Variants in ASIC2 observed in about 807,000 individuals in gnomAD.
ASIC2 encodes the protein acid-sensing ion channel 2.
In ASIC2, 25 loss-of-function variants were observed where a neutral mutation model predicts 57.3. The ratio of observed to expected loss-of-function variants is 0.44; its 90% CI spans 0.32 to 0.61. The LOEUF (loss-of-function observed/expected upper bound fraction) is 0.61, where lower values mean the gene tolerates loss of function less well. Among genes scored for constraint, ASIC2 ranks in the 20% least tolerant of loss-of-function variants. The pLI, the probability that ASIC2 is intolerant of heterozygous loss-of-function variation, is 0.06. For missense variants in ASIC2, 641 were observed against 738.1 expected, an observed-to-expected ratio of 0.87 and a Z score of 1.52; for synonymous variants, 319 against 307.5, an observed-to-expected ratio of 1.04 and a Z score of -0.39.
intron 1 of ASIC2, among the ~76,000 whole-genome samples, chr17:33,668,950 T>C (rs1907564403): frequency 6.6e-6 from 1 of 152,154 alleles, no homozygotes. Flanking sequence ...CTTCCTTGAA[T>C]CTATGCTCAC....
intron 1 of ASIC2, among the ~76,000 whole-genome samples, chr17:33,683,360 C>G (rs1263213963): frequency 6.6e-6 from 1 of 152,178 alleles, no homozygotes; most frequent in East Asian, 1.9e-4. Flanking sequence ...GCCACCGCAC[C>G]TTGCCTAATT....
chr17:33,496,136 T>C (rs1400064901), intron 1 of ASIC2, among the ~76,000 whole-genome samples: 1 of 151,988 alleles, frequency 6.6e-6, no homozygotes, highest in Non-Finnish European at 1.5e-5. Context: ...ATTGTGCAAA[T>C]TGATATAAGG....
Position 33,023,951 on chromosome 17 carries a change from T to C in ASIC2, c.1259A>G (p.Tyr420Cys). 6.2e-7 allele frequency: 1 copy of C among 1,614,234 alleles called. No individual in the cohort carries two copies. Among genetic ancestry groups the C allele is most frequent in the Non-Finnish European group, 8.5e-7 (1 of 1,180,036 alleles). Residue 420 changes from tyrosine to cysteine, a missense_variant, in exon 6 of 10, where the codon TAC (tyrosine) becomes TGC (cysteine). Tyr to Cys is a radical substitution (Grantham distance 194). Coordinates refer to ENST00000225823, the MANE Select transcript of ASIC2 (RefSeq NM_183377.2). ...CTTCACCATGGAGAGCTCTTTGTTG[T>C]AGCGGGTTAGGTTGCAGGGTGTCCT... is the stretch of plus-strand genomic sequence containing the variant. ...LCRTPCNLTR[Y>C]NKELSMVKIP...
At chr17:33,128,151 G>T (rs139207698) in intron 1 of ASIC2, among the ~76,000 whole-genome samples, 3 of 152,330 alleles carry the variant, frequency 2.0e-5, no homozygotes, top group Non-Finnish European at 4.4e-5. Flanking sequence ...CCTACCCACT[G>T]CTCGGAATGG....
intron 1 of ASIC2, among the ~76,000 whole-genome samples, chr17:33,903,214 C>T (rs1220489673): frequency 6.6e-6 from 1 of 152,148 alleles, no homozygotes; most frequent in African/African-American, 2.4e-5. Context: ...TTTTCTCAGG[C>T]CCTGTCTTTC....
At chr17:33,066,382 A>G (rs1256020922) in intron 3 of ASIC2, among the ~76,000 whole-genome samples, 1 of 152,198 alleles carries the variant, frequency 6.6e-6, no homozygotes, top group Non-Finnish European at 1.5e-5. Context: ...CCTGGACCCC[A>G]TGACCCATCT....
chr17:33,086,698 C>T (rs758538341), intron 3 of ASIC2, among the ~76,000 whole-genome samples: 1 of 152,110 alleles, frequency 6.6e-6, no homozygotes, highest in East Asian at 1.9e-4. Flanking sequence ...TCTATCCCCT[C>T]TTAAAGTGCC....
chr17:33,861,907 G>A (rs1267316819), intron 1 of ASIC2, among the ~76,000 whole-genome samples: 1 of 152,100 alleles, frequency 6.6e-6, no homozygotes, highest in Non-Finnish European at 1.5e-5. Flanking sequence ...GCAGGTGGGA[G>A]ACCGTGGCAA....
intron 1 of ASIC2, among the ~76,000 whole-genome samples, chr17:33,770,766 T>C (rs1489144322): frequency 1.3e-5 from 2 of 152,190 alleles, no homozygotes; most frequent in African/African-American, 4.8e-5. Context: ...CATTAATGCT[T>C]TTCAGATTGA....
At chr17:33,437,540 GC>G (rs1231521462) in intron 1 of ASIC2, among the ~76,000 whole-genome samples, 1 of 152,052 alleles carries the variant, frequency 6.6e-6, no homozygotes, top group Non-Finnish European at 1.5e-5. Context: ...GGTGGCTCAT[GC>G]CGGTAATCCC....
At chr17:33,346,327 C>G (rs1291838182) in intron 1 of ASIC2, among the ~76,000 whole-genome samples, 1 of 150,730 alleles carries the variant, frequency 6.6e-6, no homozygotes, top group South Asian at 2.1e-4. Context: ...GAATCAAGAG[C>G]CTTTGGTGAT....
At position 34,156,754 on chromosome 17, in the gene ASIC2, G is replaced by A. The variant is rs913970133; in HGVS notation, c.-222C>T. On this transcript the variant is annotated 5_prime_UTR_variant, in exon 1 of 10. Coordinates refer to the ASIC2 transcript ENST00000359872. This position sits in a 1 kb window ranked among gnomAD's most constrained non-coding sequence, Gnocchi z 4.4. ...AACTCTAGCTCTTGATTTTTTCCAG[G>A]CGATAAGGAGGGCTGGTTTTATTTA... The A allele has an allele frequency of 3.3e-5, 18 of 543,164 alleles. No homozygotes were observed. Among genetic ancestry groups the A allele is most frequent in the Non-Finnish European group, 5.2e-5 (16 of 310,180 alleles). 33.6% of individuals were successfully genotyped at this position (543,164 alleles called of 1,614,324 possible). A position where few individuals can be genotyped will look rare whatever the true frequency, so the allele number is the denominator to read the frequency against.
At chr17:33,859,892 C>T (rs1211165153) in intron 1 of ASIC2, among the ~76,000 whole-genome samples, 2 of 152,162 alleles carry the variant, frequency 1.3e-5, no homozygotes, top group East Asian at 3.9e-4. Context: ...TCACTGTTGC[C>T]CAGGCTGGTC....
At chr17:33,044,866 G>A (rs1201238169) in intron 3 of ASIC2, among the ~76,000 whole-genome samples, 1 of 152,200 alleles carries the variant, frequency 6.6e-6, no homozygotes, top group East Asian at 1.9e-4. Flanking sequence ...CTAATTGGGG[G>A]TGCCATCCGG....
At chr17:34,139,857 A>G (rs1420203667) in intron 1 of ASIC2, among the ~76,000 whole-genome samples, 1 of 152,184 alleles carries the variant, frequency 6.6e-6, no homozygotes, top group Non-Finnish European at 1.5e-5. Context: ...CCTTGAATGC[A>G]CTTAATACCA....
intron 1 of ASIC2, chr17:34,155,955 T>C: frequency 1.3e-6 from 2 of 1,579,212 alleles, no homozygotes; most frequent in Non-Finnish European, 1.7e-6. Context: ...CCAGACAGAG[T>C]GAGCTGAAAA....
At chr17:33,297,300 G>A (rs772121092), upstream of ASIC2, among the ~76,000 whole-genome samples, 1 of 152,194 alleles carries the variant, frequency 6.6e-6, no homozygotes, top group Non-Finnish European at 1.5e-5. Flanking sequence ...GCCCTGTGGA[G>A]TATAAGCCTA....
At chr17:34,008,632 T>C (rs780339177) in intron 1 of ASIC2, among the ~76,000 whole-genome samples, 2 of 152,082 alleles carry the variant, frequency 1.3e-5, no homozygotes, top group Non-Finnish European at 2.9e-5. Flanking sequence ...TGAGGAGTCA[T>C]ACATATCTAG....
At chr17:33,014,269 A>G (rs1217029423) in intron 9 of ASIC2, among the ~76,000 whole-genome samples, 2 of 152,020 alleles carry the variant, frequency 1.3e-5, no homozygotes, top group Non-Finnish European at 2.9e-5. Flanking sequence ...GGTGCCCCCT[A>G]TGGCAGTGAG....
Sources: allele counts gnomAD v4.1 joint callset (sites outside exome capture counted in the v4.1 genomes callset), GRCh38; gene constraint gnomAD v4.1.1; non-coding constraint Gnocchi (gnomAD v3.1); transcripts MANE v1.5; gene names NCBI Gene and HGNC (gene_info 2026-07-23, HGNC 2026-07-21).